The following HEMK2 variants were observed in gnomAD, a reference collection of about 807,000 sequenced individuals.
The protein encoded by HEMK2 is HemK methyltransferase 2, ETF1 glutamine and histone H4 lysine, also known as methyltransferase HEMK2.
At chr21:28,611,030 T>C in the HEMK2 span, among the ~76,000 whole-genome samples, 6 of 152,142 alleles carry the variant, frequency 3.9e-5, no homozygotes, top group African/African-American at 1.4e-4. Context: ...ATTTAAACTA[T>C]ACCCTACAAC....
At chr21:28,864,892 T>TGATATAGATA in the HEMK2 span, among the ~76,000 whole-genome samples, 23 of 117,756 alleles carry the variant, frequency 2.0e-4, no homozygotes, top group East Asian at 1.3e-3. Context: ...ATATAGATGA[T>TGATATAGATA]AGATAGATAT....
the HEMK2 span, among the ~76,000 whole-genome samples, chr21:28,878,789 T>C: frequency 6.6e-6 from 1 of 151,628 alleles, no homozygotes; most frequent in Non-Finnish European, 1.5e-5. Context: ...AGAAAGAAGC[T>C]AGAAGGAACA....
the HEMK2 span, among the ~76,000 whole-genome samples, chr21:28,864,927 C>T: frequency 0.019 from 420 of 22,484 alleles, 7 homozygotes; most frequent in African/African-American, 0.012. Context: ...GATAGATAGA[C>T]AGACAGACAG....
chr21:28,823,088 G>C, the HEMK2 span, among the ~76,000 whole-genome samples: 3 of 152,208 alleles, frequency 2.0e-5, no homozygotes, highest in Non-Finnish European at 4.4e-5. Context: ...TATCAAGCTT[G>C]ACAAATGCAC....
the HEMK2 span, among the ~76,000 whole-genome samples, chr21:28,816,577 A>C: frequency 6.6e-6 from 1 of 152,170 alleles, no homozygotes; most frequent in Admixed American, 6.5e-5. Flanking sequence ...GCTGCTTGGG[A>C]GGCTGAGACA....
the HEMK2 span, among the ~76,000 whole-genome samples, chr21:28,783,880 G>A: frequency 1.5e-4 from 23 of 152,340 alleles, no homozygotes; most frequent in African/African-American, 5.5e-4. Context: ...GCCCCGGGCA[G>A]TGAGGGGCTT....
At chr21:28,697,912 A>G in the HEMK2 span, among the ~76,000 whole-genome samples, 14 of 152,198 alleles carry the variant, frequency 9.2e-5, no homozygotes, top group East Asian at 2.7e-3. Flanking sequence ...TATTTCTCAC[A>G]GTTCTGGAGG....
the HEMK2 span, among the ~76,000 whole-genome samples, chr21:28,593,154 GCCATTGCA>G: frequency 1.3e-5 from 2 of 152,112 alleles, no homozygotes; most frequent in East Asian, 3.9e-4. Flanking sequence ...CAAGATTTGT[GCCATTGCA>G]CTCCAGCCTA....
At chr21:28,683,999 T>C in the HEMK2 span, among the ~76,000 whole-genome samples, 10 of 152,234 alleles carry the variant, frequency 6.6e-5, no homozygotes, top group Non-Finnish European at 1.0e-4. Flanking sequence ...TTAAAATTAC[T>C]GTATAATTCA....
At chr21:28,613,619 C>CTTTTTTTT in the HEMK2 span, among the ~76,000 whole-genome samples, 552 of 82,694 alleles carry the variant, frequency 6.7e-3, 99 homozygotes, top group East Asian at 9.6e-3. Context: ...TCTGCATATT[C>CTTTTTTTT]TTTTTTTTTT....
chr21:28,882,789 T>C, the HEMK2 span, among the ~76,000 whole-genome samples: 498 of 152,348 alleles, frequency 3.3e-3, 1 homozygote, highest in Non-Finnish European at 5.8e-3. Flanking sequence ...GATCTAAAAT[T>C]ATGCTGCTTC....
the HEMK2 span, among the ~76,000 whole-genome samples, chr21:28,710,800 A>AT: frequency 6.6e-6 from 1 of 152,192 alleles, no homozygotes; most frequent in Non-Finnish European, 1.5e-5. Flanking sequence ...CATGTATAGT[A>AT]TTTTTGCTAT....
At chr21:28,854,624 C>T in the HEMK2 span, among the ~76,000 whole-genome samples, 5 of 152,126 alleles carry the variant, frequency 3.3e-5, no homozygotes, top group Admixed American at 6.5e-5. Flanking sequence ...AGAGCCAGTC[C>T]GAGTTCCAAA....
At chr21:28,690,829 C>T in the HEMK2 span, among the ~76,000 whole-genome samples, 1 of 152,126 alleles carries the variant, frequency 6.6e-6, no homozygotes, top group Non-Finnish European at 1.5e-5. Flanking sequence ...CAGCATCTCC[C>T]TCCATCTCCT....
chr21:28,879,582 G>A, the HEMK2 span, among the ~76,000 whole-genome samples: 1 of 152,136 alleles, frequency 6.6e-6, no homozygotes, highest in South Asian at 2.1e-4. Context: ...TCATGATAAA[G>A]GATACATGTA....
the HEMK2 span, among the ~76,000 whole-genome samples, chr21:28,869,023 T>C: frequency 1.3e-5 from 2 of 152,062 alleles, no homozygotes; most frequent in African/African-American, 4.8e-5. Context: ...AGTGAAAATG[T>C]TGAATAGGAG....
the HEMK2 span, among the ~76,000 whole-genome samples, chr21:28,883,589 G>C: frequency 1.3e-5 from 2 of 151,950 alleles, no homozygotes; most frequent in African/African-American, 4.8e-5. Context: ...TTTCTGGACA[G>C]CTATATGCTA....
the HEMK2 span, among the ~76,000 whole-genome samples, chr21:28,634,275 A>G: frequency 1.1e-3 from 171 of 152,188 alleles, 1 homozygote; most frequent in African/African-American, 4.0e-3. Context: ...GGGGAATCCT[A>G]TGGAACTGAG....
chr21:28,734,115 G>A, the HEMK2 span, among the ~76,000 whole-genome samples: 1 of 152,076 alleles, frequency 6.6e-6, no homozygotes, highest in Admixed American at 6.6e-5. Flanking sequence ...TCCGTATCAG[G>A]AGTTCAAAAT....
Sources: gnomAD v4.1 joint callset for allele counts (sites outside exome capture counted in the v4.1 genomes callset) on GRCh38, gnomAD v4.1.1 for gene constraint, MANE v1.5 for transcripts, NCBI Gene and HGNC (gene_info 2026-07-23, HGNC 2026-07-21) for gene names.